Variants in ASH1L observed in about 807,000 individuals in gnomAD.
The protein encoded by ASH1L is ASH1 like histone lysine methyltransferase, also known as histone-lysine N-methyltransferase ASH1L.
Under a neutral mutation model 269.0 loss-of-function variants are expected in ASH1L, and 23 were observed. The ratio of observed to expected loss-of-function variants is 0.09; its 90% CI spans 0.06 to 0.12. The LOEUF is 0.12. Among genes scored for constraint, ASH1L ranks in the 10% least tolerant of loss-of-function variants. ASH1L has a pLI of 1.00. For missense variants in ASH1L, 2,912 were observed against 3,567.8 expected (o/e 0.82, Z 4.68); for synonymous variants, 1,187 against 1,253.5 (o/e 0.95, Z 1.12).
At chr1:155,397,304 C>T (rs139281273) in intron 6 of ASH1L, among the ~76,000 whole-genome samples, 7,937 of 151,880 alleles carry the variant, frequency 0.052, 697 homozygotes, top group African/African-American at 0.18. Context: ...CAAGACCAGC[C>T]TGGCCAATGT....
intron 7 of ASH1L, among the ~76,000 whole-genome samples, chr1:155,385,304 A>G (rs1197671730): frequency 6.6e-6 from 1 of 152,086 alleles, no homozygotes; most frequent in Non-Finnish European, 1.5e-5. Context: ...TTAGCCAGGT[A>G]TGGTGGCACA....
intron 5 of ASH1L, among the ~76,000 whole-genome samples, chr1:155,437,598 T>C (rs1471470844): frequency 1.3e-5 from 2 of 152,160 alleles, no homozygotes; most frequent in Admixed American, 1.3e-4. Context: ...CAATTCCACT[T>C]CTGAGAATAT....
At chr1:155,528,948 A>G (rs1205757892) in intron 1 of ASH1L, among the ~76,000 whole-genome samples, 1 of 152,050 alleles carries the variant, frequency 6.6e-6, no homozygotes, top group African/African-American at 2.4e-5. Context: ...GAGAACATAC[A>G]GTATTTGATT....
chr1:155,356,477 T>G (rs1654394930), intron 15 of ASH1L, among the ~76,000 whole-genome samples: 1 of 151,002 alleles, frequency 6.6e-6, no homozygotes, highest in Non-Finnish European at 1.5e-5. Context: ...TACTAAAAAG[T>G]ATAAAAAATT....
intron 2 of ASH1L, among the ~76,000 whole-genome samples, chr1:155,483,155 T>C (rs1024076350): frequency 6.6e-6 from 1 of 152,214 alleles, no homozygotes; most frequent in Non-Finnish European, 1.5e-5. Context: ...CACAATAGTC[T>C]GTTTTACTTT....
chr1:155,395,378 A>G, intron 7 of ASH1L, 81 bp downstream of exon 7: 1 of 1,040,074 alleles, frequency 9.6e-7, no homozygotes, highest in Non-Finnish European at 1.4e-6. Context: ...AGAAATAATA[A>G]CAAGATTAAA....
chr1:155,392,733 C>A (rs1658035337), intron 7 of ASH1L, among the ~76,000 whole-genome samples: 1 of 152,124 alleles, frequency 6.6e-6, no homozygotes, highest in Non-Finnish European at 1.5e-5. Flanking sequence ...AGGTGATCCA[C>A]CTGCCTCGGC....
intron 2 of ASH1L, among the ~76,000 whole-genome samples, chr1:155,489,717 C>T (rs1376065444): frequency 2.0e-5 from 3 of 151,354 alleles, no homozygotes; most frequent in Non-Finnish European, 2.9e-5. Flanking sequence ...GACATTGCAC[C>T]ACTGCACTCC....
At chr1:155,427,679 T>A (rs1011088555) in intron 5 of ASH1L, among the ~76,000 whole-genome samples, 10 of 152,204 alleles carry the variant, frequency 6.6e-5, no homozygotes, top group South Asian at 4.1e-4. Flanking sequence ...CCTCAGGTGA[T>A]CCACCCACCT....
At chr1:155,497,705 A>T (rs1667242558) in intron 2 of ASH1L, among the ~76,000 whole-genome samples, 1 of 152,122 alleles carries the variant, frequency 6.6e-6, no homozygotes, top group Non-Finnish European at 1.5e-5. Flanking sequence ...TAAAGGGTCA[A>T]ATGTACACAC....
intron 4 of ASH1L, among the ~76,000 whole-genome samples, chr1:155,453,965 C>T (rs1663687242): frequency 6.6e-6 from 1 of 151,366 alleles, no homozygotes; most frequent in Non-Finnish European, 1.5e-5. Flanking sequence ...ATTAGCGGGG[C>T]GTGGTGGCAG....
At chr1:155,417,578 A>G (rs983542662) in intron 5 of ASH1L, among the ~76,000 whole-genome samples, 2 of 152,192 alleles carry the variant, frequency 1.3e-5, no homozygotes, top group African/African-American at 4.8e-5. Flanking sequence ...GTAGAAAGAC[A>G]TTGTTCAACA....
rs549854989 is a variant in ASH1L, at chr1:155,392,599, G to A, written c.6103+2860C>T. Among the ~76,000 whole-genome samples the A allele has an allele frequency of 3.9e-4, 60 of 151,930 alleles. 1 individual carries two copies. In the South Asian group the frequency reaches 0.011, roughly 28 times the overall value. On this transcript the variant is annotated intron_variant, in intron 7 of 27. Coordinates refer to ENST00000392403, the MANE Select transcript of ASH1L (RefSeq NM_018489.3). ...TGCCTCCCAGGTTCAAGTGATTCTC[G>A]TGCCTCAGCCTCTTGAGGAGCTGGG...
At chr1:155,416,411 C>T (rs1363928646) in intron 5 of ASH1L, among the ~76,000 whole-genome samples, 1 of 152,114 alleles carries the variant, frequency 6.6e-6, no homozygotes, top group Middle Eastern at 3.2e-3. Flanking sequence ...AGCCACCGTG[C>T]CCGGCATGAG....
intron 12 of ASH1L, among the ~76,000 whole-genome samples, chr1:155,360,734 C>T (rs527845817): frequency 9.2e-5 from 14 of 152,256 alleles, no homozygotes; most frequent in East Asian, 3.9e-4. Context: ...TGAGCCACCA[C>T]GCCTGGCCTC....
At chr1:155,364,435 T>C (rs1268014864) in intron 12 of ASH1L, among the ~76,000 whole-genome samples, 3 of 152,186 alleles carry the variant, frequency 2.0e-5, no homozygotes, top group Non-Finnish European at 4.4e-5. Flanking sequence ...TTTACACTTC[T>C]ACCAGCAAAT....
chr1:155,542,123 GGAGGGGGATAGGAATGTA>G (rs368092122), intron 1 of ASH1L, among the ~76,000 whole-genome samples: 1,794 of 152,212 alleles, frequency 0.012, 14 homozygotes, highest in Middle Eastern at 0.092. Flanking sequence ...AAAAAGAGGG[GGAGGGGGATAGGAATGTA>G]GGATTGTGTT....
At chr1:155,550,930 C>G (rs1469717635) in intron 1 of ASH1L, among the ~76,000 whole-genome samples, 1 of 152,034 alleles carries the variant, frequency 6.6e-6, no homozygotes, top group African/African-American at 2.4e-5. Flanking sequence ...CTCAAGAAAT[C>G]TACTGCTCAG....
intron 3 of ASH1L, among the ~76,000 whole-genome samples, chr1:155,465,289 CAAA>C (rs1171228344): frequency 3.8e-3 from 238 of 62,570 alleles, no homozygotes; most frequent in African/African-American, 0.013. Flanking sequence ...TACAAATTAG[CAAA>C]AAAAAAAAAA....
Sources: allele counts gnomAD v4.1 joint callset (sites outside exome capture counted in the v4.1 genomes callset), GRCh38; gene constraint gnomAD v4.1.1; transcripts MANE v1.5; gene names NCBI Gene and HGNC (gene_info 2026-07-23, HGNC 2026-07-21).